The following ST18 variants were observed in gnomAD, a reference collection of about 807,000 sequenced individuals.
ST18 encodes ST18 C2H2C-type zinc finger transcription factor.
ST18 carries 50 observed loss-of-function variants against 110.0 expected under a neutral mutation model. That is an observed-to-expected ratio of 0.45 (90% CI 0.36 to 0.58). The LOEUF is 0.58. Ranked by LOEUF, ST18 falls within the 20% of genes least tolerant of loss-of-function variation. The pLI is 0.00. For missense variants in ST18, 1,306 were observed against 1,280.1 expected (o/e 1.02, Z -0.31); for synonymous variants, 461 against 452.4 (o/e 1.02, Z -0.24).
intron 2 of ST18, among the ~76,000 whole-genome samples, chr8:52,324,804 G>T (rs1164863182): frequency 6.6e-6 from 1 of 152,162 alleles, no homozygotes; most frequent in Non-Finnish European, 1.5e-5. Flanking sequence ...TCAGAGTGAA[G>T]TTCTATTTTT....
In ST18 at chr8:52,113,204, A is replaced by G; in HGVS notation, c.3138T>C (p.His1046=). The change falls in exon 26 of 26, where the codon CAT becomes CAC. Residue 1046 remains histidine, a synonymous_variant. Coordinates refer to ENST00000689386, the MANE Select transcript of ST18 (RefSeq NM_001352837.2). The part of the protein sequence containing the change: ...ESIKQAVKGI[H]V ...GCCCGGCAGCGCTGTGATCCTACAC[A>G]TGGATACCCTTCACTGCCTGTTTGA... 3 of 1,613,984 alleles carry G rather than the reference A, an allele frequency of 1.9e-6. No individual in the cohort carries two copies. The South Asian group carries it at 3.3e-5, about 18-fold the overall frequency.
At chr8:52,134,344 C>G (rs541586772) in intron 19 of ST18, among the ~76,000 whole-genome samples, 1 of 152,278 alleles carries the variant, frequency 6.6e-6, no homozygotes, top group African/African-American at 2.4e-5. Context: ...TCAAAATATT[C>G]TTAAATATAA....
At chr8:52,291,721 C>A (rs144626882) in intron 2 of ST18, among the ~76,000 whole-genome samples, 229 of 152,044 alleles carry the variant, frequency 1.5e-3, no homozygotes, top group African/African-American at 5.3e-3. Context: ...ACATAATATT[C>A]ATATAATGGA....
intron 5 of ST18, among the ~76,000 whole-genome samples, chr8:52,219,513 C>T (rs1247447569): frequency 2.6e-5 from 4 of 152,076 alleles, no homozygotes; most frequent in African/African-American, 7.2e-5. Context: ...TCTTGTATGC[C>T]TCTTATTTTA....
chr8:52,280,937 T>C (rs889420765), intron 2 of ST18, among the ~76,000 whole-genome samples: 1 of 152,052 alleles, frequency 6.6e-6, no homozygotes, highest in Non-Finnish European at 1.5e-5. Flanking sequence ...GTAAAAATGA[T>C]GATATACTAG....
At chr8:52,293,754 A>C (rs895191678) in intron 2 of ST18, among the ~76,000 whole-genome samples, 1 of 152,182 alleles carries the variant, frequency 6.6e-6, no homozygotes, top group African/African-American at 2.4e-5. Flanking sequence ...CTTTCCTCCT[A>C]TGATTATCAT....
intron 24 of ST18, among the ~76,000 whole-genome samples, chr8:52,116,925 C>T (rs943555000): frequency 7.2e-5 from 11 of 152,098 alleles, no homozygotes; most frequent in Admixed American, 7.2e-4. Context: ...CTTGTGTTTG[C>T]CATTACCCCA....
At chr8:52,290,434 A>C (rs1369503402) in intron 2 of ST18, among the ~76,000 whole-genome samples, 1 of 152,226 alleles carries the variant, frequency 6.6e-6, no homozygotes, top group Non-Finnish European at 1.5e-5. Context: ...GAATGTTTAC[A>C]TACCAATAAA....
At chr8:52,340,838 C>CA (rs1490831209) in intron 2 of ST18, among the ~76,000 whole-genome samples, 1 of 152,102 alleles carries the variant, frequency 6.6e-6, no homozygotes, top group Non-Finnish European at 1.5e-5. Flanking sequence ...TAGTGAGAAA[C>CA]AAAAAACCGC....
At chr8:52,234,303 C>T (rs759035435) in intron 2 of ST18, among the ~76,000 whole-genome samples, 7 of 152,046 alleles carry the variant, frequency 4.6e-5, no homozygotes, top group Non-Finnish European at 8.8e-5. Flanking sequence ...CTCACTCTGT[C>T]ACCCAGGCTG....
chr8:52,198,853 C>T (rs2077019794), intron 8 of ST18, among the ~76,000 whole-genome samples: 1 of 152,194 alleles, frequency 6.6e-6, no homozygotes. Context: ...AGCCCTAACC[C>T]CTTCCACATG....
Position 52,172,512 on chromosome 8 carries a change from C to G in ST18, c.349G>C (p.Asp117His). 6.2e-7 allele frequency: 1 copy of G among 1,612,984 alleles called. No homozygotes were observed. The highest frequency in any genetic ancestry group is 8.5e-7 in the Non-Finnish European group (1 of 1,179,820). Residue 117 changes from aspartate to histidine, a missense_variant, in exon 10 of 26, where the codon GAC becomes CAC. Physicochemically the swap from Asp to His is moderately conservative, Grantham distance 81. Transcript: ENST00000689386. ...AGCTCTTGATAACAAGAGTATCTGT[C>G]TTCCTTCCTACTGGAGTTTTCTTGT... ...TAQENSSRKE[D>H]RYSCYQELMV... is the part of the protein sequence containing the mutation.
chr8:52,198,200 T>G (rs990236749), intron 8 of ST18, among the ~76,000 whole-genome samples: 1 of 151,912 alleles, frequency 6.6e-6, no homozygotes, highest in African/African-American at 2.4e-5. Flanking sequence ...AGAGATGGGG[T>G]TTCACCATAC....
intron 6 of ST18, 141 bp from the exon 7 acceptor site, chr8:52,214,398 A>G (rs1326029717): frequency 8.0e-6 from 6 of 751,350 alleles, no homozygotes; most frequent in Middle Eastern, 3.1e-4. Context: ...TCTATAGTAC[A>G]TAACTGTGAC....
At chr8:52,246,868 A>G (rs2093901244) in intron 2 of ST18, among the ~76,000 whole-genome samples, 1 of 152,018 alleles carries the variant, frequency 6.6e-6, no homozygotes, top group Non-Finnish European at 1.5e-5. Flanking sequence ...ATCTCCCATC[A>G]CTCTTGCCCC....
rs756214451 is a variant in ST18 at position 52,309,520 on chromosome 8, C to CAAAAAAAAAA, written c.-464-79453_-464-79444dup. Among the ~76,000 whole-genome samples the CAAAAAAAAAA allele has an allele frequency of 2.1e-4, 8 of 37,760 alleles. 1 individual carries two copies. Among genetic ancestry groups the CAAAAAAAAAA allele is most frequent in the African/African-American group, 3.8e-4 (4 of 10,444 alleles). 24.8% of individuals were successfully genotyped at this position (37,760 alleles called of 152,430 possible). A position where few individuals can be genotyped will look rare whatever the true frequency, so the allele number is the denominator to read the frequency against. ...TGGGCAACAGAGCAAGACTCCATCT[C>CAAAAAAAAAA]AAAAAAAAAAAAAAAAAAAAAAAAG... On this transcript the variant is annotated intron_variant, in intron 2 of 25. Coordinates refer to ENST00000689386, the MANE Select transcript of ST18 (RefSeq NM_001352837.2).
intron 2 of ST18, among the ~76,000 whole-genome samples, chr8:52,354,326 C>T (rs1300904207): frequency 6.6e-6 from 1 of 152,148 alleles, no homozygotes; most frequent in Non-Finnish European, 1.5e-5. Flanking sequence ...ATGATGGTTG[C>T]CTCGACCGAG....
intron 2 of ST18, among the ~76,000 whole-genome samples, chr8:52,329,219 ATGTG>A (rs71252933): frequency 0.17 from 22,347 of 131,582 alleles, 1,913 homozygotes; most frequent in African/African-American, 0.27. Context: ...GCATGTATTT[ATGTG>A]TGTGTGTGTG....
rs143905876 is a variant in ST18 at position 52,141,496 on chromosome 8, C to A, written c.2168+1434G>T. Among the ~76,000 whole-genome samples the A allele has an allele frequency of 3.7e-3, 570 of 152,296 alleles. 3 individuals carry two copies. Among genetic ancestry groups the A allele is most frequent in the African/African-American group, 0.013 (535 of 41,552 alleles). On this transcript the variant is annotated intron_variant, in intron 17 of 25. Coordinates refer to ENST00000689386, the MANE Select transcript of ST18 (RefSeq NM_001352837.2). Reference sequence around the variant, plus strand: ...CAAAGACGGAGGAGAGAAGACCTCCCGTCCCCACTTTGTGCCCTCTGAGGC... The same window carrying A: ...CAAAGACGGAGGAGAGAAGACCTCCAGTCCCCACTTTGTGCCCTCTGAGGC...
Sources: gnomAD v4.1 joint callset for allele counts (sites outside exome capture counted in the v4.1 genomes callset) on GRCh38, gnomAD v4.1.1 for gene constraint, MANE v1.5 for transcripts, NCBI Gene and HGNC (gene_info 2026-07-23, HGNC 2026-07-21) for gene names.